PCDH11Y: variants seen among roughly 807,000 people sequenced by gnomAD.
The protein encoded by PCDH11Y is protocadherin 11 Y-linked, also known as protocadherin-11 Y-linked.
For missense variants in PCDH11Y, 12 were observed against 224.8 expected, an observed-to-expected ratio of 0.05 and a Z score of 6.05; for synonymous variants, 9 against 83.6, an observed-to-expected ratio of 0.11 and a Z score of 4.87.
intron 2 of PCDH11Y, among the ~76,000 whole-genome samples, chrY:5,326,272 TCC>T (rs2124666518): frequency 3.1e-5 from 1 of 32,586 alleles, no homozygotes; most frequent in South Asian, 7.0e-4. Flanking sequence ...TATTTTAGTT[TCC>T]TGACTCGGGC....
chrY:5,439,396 A>G, intron 2 of PCDH11Y, among the ~76,000 whole-genome samples: 1 of 33,238 alleles, frequency 3.0e-5, no homozygotes, highest in East Asian at 8.1e-4. Context: ...TATTCACCCT[A>G]TATTCTCTGA....
At chrY:5,403,723 A>C in intron 2 of PCDH11Y, among the ~76,000 whole-genome samples, 1 of 33,678 alleles carries the variant, frequency 3.0e-5, no homozygotes, top group African/African-American at 1.1e-4. Flanking sequence ...CATGATTTAA[A>C]TGACAACTCC....
At chrY:5,335,501 T>C in intron 2 of PCDH11Y, among the ~76,000 whole-genome samples, 1 of 32,890 alleles carries the variant, frequency 3.0e-5, no homozygotes, top group Non-Finnish European at 7.4e-5. Flanking sequence ...TGTTAATATG[T>C]AAATGCAGTC....
chrY:5,593,396 T>A (rs2053463923), intron 4 of PCDH11Y, among the ~76,000 whole-genome samples: 3 of 33,470 alleles, frequency 9.0e-5, no homozygotes, highest in African/African-American at 3.5e-4. Context: ...CTATTTTGTT[T>A]GTTAGTTGTT....
intron 2 of PCDH11Y, among the ~76,000 whole-genome samples, chrY:5,177,023 A>T: frequency 6.1e-5 from 2 of 32,881 alleles, no homozygotes; most frequent in South Asian, 6.7e-4. Context: ...ATTTTTCTTA[A>T]CTATTTAAAT....
chrY:5,350,794 T>C, intron 2 of PCDH11Y, among the ~76,000 whole-genome samples: 3 of 33,820 alleles, frequency 8.9e-5, no homozygotes, highest in African/African-American at 1.1e-4. Context: ...TCCTTAACAA[T>C]TGAAGAGGAA....
chrY:5,489,129 T>G, intron 2 of PCDH11Y, among the ~76,000 whole-genome samples: 1 of 31,381 alleles, frequency 3.2e-5, no homozygotes, highest in African/African-American at 1.3e-4. Context: ...CAGAAAAAAA[T>G]ATTTTTACTG....
chrY:5,569,795 T>A, intron 3 of PCDH11Y, among the ~76,000 whole-genome samples: 1 of 33,276 alleles, frequency 3.0e-5, no homozygotes, highest in Non-Finnish European at 7.4e-5. Context: ...TTGAACTAAT[T>A]TCTGTGTCAA....
chrY:5,257,226 G>A (rs2053012211), intron 2 of PCDH11Y, among the ~76,000 whole-genome samples: 1 of 32,838 alleles, frequency 3.0e-5, no homozygotes, highest in Non-Finnish European at 7.4e-5. Flanking sequence ...TCTATCTCTA[G>A]TTTTTTCAGG....
At chrY:5,453,533 A>G in intron 2 of PCDH11Y, among the ~76,000 whole-genome samples, 1 of 33,764 alleles carries the variant, frequency 3.0e-5, no homozygotes, top group South Asian at 6.5e-4. Context: ...CCATTCTCGC[A>G]TTGCTATAAA....
At chrY:5,213,447 G>T in intron 2 of PCDH11Y, among the ~76,000 whole-genome samples, 1 of 31,888 alleles carries the variant, frequency 3.1e-5, no homozygotes, top group Non-Finnish European at 7.6e-5. Flanking sequence ...ACCCATTCTT[G>T]GGCTTCCAAG....
intron 2 of PCDH11Y, among the ~76,000 whole-genome samples, chrY:5,143,108 A>G: frequency 3.0e-5 from 1 of 32,905 alleles, no homozygotes; most frequent in Admixed American, 2.8e-4. Flanking sequence ...GCCAGGACAT[A>G]AAGAGTGACG....
intron 2 of PCDH11Y, among the ~76,000 whole-genome samples, chrY:5,407,806 T>G (rs2124677830): frequency 3.4e-4 from 10 of 29,270 alleles, no homozygotes; most frequent in South Asian, 7.8e-4. Flanking sequence ...TCCCAGCTAC[T>G]CGGGAGGCTG....
intron 2 of PCDH11Y, among the ~76,000 whole-genome samples, chrY:5,376,716 T>A: frequency 6.0e-5 from 2 of 33,323 alleles, no homozygotes; most frequent in East Asian, 1.6e-3. Context: ...ACTAAATATA[T>A]TTTTTCATCA....
In PCDH11Y at chrY:5,087,966, G is replaced by T. The variant is rs1602860165; in HGVS notation, c.637-10249G>T. Among the ~76,000 whole-genome samples the T allele has an allele frequency of 3.1e-4, 10 of 32,624 alleles. No homozygotes were observed. In the South Asian group the frequency reaches 7.2e-3, roughly 23 times the overall value. 87.5% of individuals were successfully genotyped at this position (32,624 alleles called of 37,273 possible). On this transcript the variant is annotated intron_variant, in intron 1 of 1. Transcript: ENST00000215473. ...ATTGCTGTATTCTTCCTCCCCCAGTGCCCAGAGAAGCTCTCTGTACCATGA... is the reference window on the plus strand; with the variant it reads ...ATTGCTGTATTCTTCCTCCCCCAGTTCCCAGAGAAGCTCTCTGTACCATGA...
At chrY:5,570,764 A>G in intron 3 of PCDH11Y, among the ~76,000 whole-genome samples, 1 of 32,749 alleles carries the variant, frequency 3.1e-5, no homozygotes. Context: ...TACAAAATAT[A>G]AATAACCAGT....
At chrY:5,558,330 T>G (rs2053425058) in intron 3 of PCDH11Y, among the ~76,000 whole-genome samples, 2 of 20,533 alleles carry the variant, frequency 9.7e-5, no homozygotes, top group Non-Finnish European at 2.1e-4. Context: ...AGGGCTTTTT[T>G]TTTTTTTTTT....
chrY:5,440,223 G>A, intron 2 of PCDH11Y, among the ~76,000 whole-genome samples: 1 of 33,117 alleles, frequency 3.0e-5, no homozygotes, highest in African/African-American at 1.2e-4. Flanking sequence ...TGTGGGTCAA[G>A]AATTCAGAAG....
downstream of PCDH11Y, among the ~76,000 whole-genome samples, chrY:5,107,905 A>G (rs2052794162): frequency 3.1e-5 from 1 of 31,993 alleles, no homozygotes; most frequent in Non-Finnish European, 7.6e-5. Flanking sequence ...TAAAAATACA[A>G]AAAATTAGCC....
Sources: gnomAD v4.1 joint callset for allele counts (sites outside exome capture counted in the v4.1 genomes callset) on GRCh38, gnomAD v4.1.1 for gene constraint, MANE v1.5 for transcripts, NCBI Gene and HGNC (gene_info 2026-07-23, HGNC 2026-07-21) for gene names.